The following PIP5K1B variants were observed in gnomAD, a reference collection of about 807,000 sequenced individuals.
The protein encoded by PIP5K1B is phosphatidylinositol-4-phosphate 5-kinase type 1 beta.
A neutral mutation model predicts 67.0 loss-of-function variants in PIP5K1B; 42 were observed. The observed-to-expected ratio is 0.63, with a 90% CI of 0.49 to 0.81. The LOEUF (loss-of-function observed/expected upper bound fraction) is 0.81, where lower values mean the gene tolerates loss of function less well. Ranked by LOEUF, PIP5K1B falls within the 30% of genes least tolerant of loss-of-function variation. The probability of loss-of-function intolerance (pLI) is 0.00; values close to 1 mark genes in which losing one functional copy is unlikely to be tolerated. For missense variants in PIP5K1B, 459 were observed against 646.3 expected (o/e 0.71, Z 3.14); for synonymous variants, 214 against 231.4 (o/e 0.92, Z 0.68).
chr9:68,795,479 G>A (rs943633830), intron 2 of PIP5K1B, among the ~76,000 whole-genome samples: 1 of 152,216 alleles, frequency 6.6e-6, no homozygotes, highest in Non-Finnish European at 1.5e-5. Flanking sequence ...CAAATTTCCT[G>A]AAGGAAAGGG....
chr9:68,954,055 C>T (rs1034547749), intron 14 of PIP5K1B, among the ~76,000 whole-genome samples: 4 of 151,936 alleles, frequency 2.6e-5, no homozygotes, highest in East Asian at 1.9e-4. Context: ...GTCCCTGGGT[C>T]CACACATCCT....
At chr9:68,828,474 T>A (rs1167892160) in intron 4 of PIP5K1B, among the ~76,000 whole-genome samples, 1 of 152,192 alleles carries the variant, frequency 6.6e-6, no homozygotes, top group Non-Finnish European at 1.5e-5. Context: ...TTCACTTTGT[T>A]TTATCTTTGA....
chr9:68,924,620 T>C (rs1384805948), intron 12 of PIP5K1B, among the ~76,000 whole-genome samples: 2 of 152,030 alleles, frequency 1.3e-5, no homozygotes, highest in Admixed American at 6.6e-5. Context: ...GTTTTTAAGA[T>C]ATGTGAAAGG....
At chr9:68,820,649 A>G (rs1215314023) in intron 3 of PIP5K1B, among the ~76,000 whole-genome samples, 1 of 152,220 alleles carries the variant, frequency 6.6e-6, no homozygotes, top group Non-Finnish European at 1.5e-5. Flanking sequence ...GCATGCTTCA[A>G]AAGCGTAAAA....
chr9:68,755,829 G>C (rs1032957266), intron 2 of PIP5K1B, among the ~76,000 whole-genome samples: 1 of 152,178 alleles, frequency 6.6e-6, no homozygotes, highest in Non-Finnish European at 1.5e-5. Context: ...AACTCAGCAT[G>C]GTTCACCCAC....
intron 4 of PIP5K1B, among the ~76,000 whole-genome samples, chr9:68,855,754 C>T (rs932261947): frequency 1.3e-5 from 2 of 152,140 alleles, no homozygotes; most frequent in African/African-American, 4.8e-5. Context: ...CAATCACTTT[C>T]CTGCCTATAA....
intron 14 of PIP5K1B, among the ~76,000 whole-genome samples, chr9:68,982,950 T>G (rs533059085): frequency 6.6e-6 from 1 of 152,322 alleles, no homozygotes; most frequent in Non-Finnish European, 1.5e-5. Flanking sequence ...GCATACAGTT[T>G]ATAGGTTCTT....
intron 14 of PIP5K1B, among the ~76,000 whole-genome samples, chr9:68,978,124 G>T (rs1472258954): frequency 6.6e-6 from 1 of 152,044 alleles, no homozygotes; most frequent in East Asian, 1.9e-4. Flanking sequence ...ATCACCTCAC[G>T]TGGTTATATC....
chr9:68,947,695 C>T (rs1043664249), intron 14 of PIP5K1B, among the ~76,000 whole-genome samples: 3 of 152,196 alleles, frequency 2.0e-5, no homozygotes, highest in Non-Finnish European at 4.4e-5. Context: ...CCAATTTATT[C>T]TCATGCCATT....
intron 5 of PIP5K1B, among the ~76,000 whole-genome samples, chr9:68,864,581 A>G (rs1474459448): frequency 6.6e-6 from 1 of 152,264 alleles, no homozygotes; most frequent in Non-Finnish European, 1.5e-5. Context: ...GATGATGGTA[A>G]TATGAATGTA....
intron 5 of PIP5K1B, among the ~76,000 whole-genome samples, chr9:68,872,465 A>T (rs369303164): frequency 3.3e-5 from 5 of 152,248 alleles, no homozygotes; most frequent in East Asian, 3.8e-4. Context: ...GGTGCTGAGC[A>T]CGGAGGGCTC....
intron 14 of PIP5K1B, among the ~76,000 whole-genome samples, chr9:68,979,436 T>G (rs1218273633): frequency 6.6e-6 from 1 of 152,222 alleles, no homozygotes; most frequent in Non-Finnish European, 1.5e-5. Flanking sequence ...GGTATGATAT[T>G]GGAAAGAAAA....
At chr9:68,981,797 C>CTT (rs59844836) in intron 14 of PIP5K1B, among the ~76,000 whole-genome samples, 2 of 147,280 alleles carry the variant, frequency 1.4e-5, no homozygotes, top group Non-Finnish European at 3.0e-5. Flanking sequence ...CCAAAAGAAT[C>CTT]TTTTTTTTTT....
intron 1 of PIP5K1B, among the ~76,000 whole-genome samples, chr9:68,740,317 T>C (rs1828943389): frequency 6.6e-6 from 1 of 152,234 alleles, no homozygotes; most frequent in Admixed American, 6.5e-5. Context: ...CAGAAAGTGT[T>C]TTTAGTTTAT....
At chr9:68,753,342 ATTTT>A (rs398010785) in intron 2 of PIP5K1B, among the ~76,000 whole-genome samples, 2 of 133,866 alleles carry the variant, frequency 1.5e-5, no homozygotes, top group Non-Finnish European at 3.1e-5. Context: ...CATTTTCTTG[ATTTT>A]TTTTTTTTTT....
chr9:68,810,648 G>C (rs980819053), intron 2 of PIP5K1B, among the ~76,000 whole-genome samples: 9 of 152,088 alleles, frequency 5.9e-5, no homozygotes, highest in Admixed American at 2.0e-4. Context: ...TATGGCCCTA[G>C]TTGGGGAATT....
At chr9:68,999,306 TG>T (rs1217930861) in intron 15 of PIP5K1B, among the ~76,000 whole-genome samples, 1 of 152,142 alleles carries the variant, frequency 6.6e-6, no homozygotes, top group East Asian at 1.9e-4. Context: ...ATAAGAATAT[TG>T]GGGGGACACA....
At chr9:68,714,347 C>T (rs1269421470) in intron 1 of PIP5K1B, among the ~76,000 whole-genome samples, 1 of 152,202 alleles carries the variant, frequency 6.6e-6, no homozygotes, top group East Asian at 1.9e-4. Context: ...CTGCACACAC[C>T]ACATCTAATC....
intron 7 of PIP5K1B, among the ~76,000 whole-genome samples, chr9:68,889,956 T>G (rs1287195552): frequency 6.6e-6 from 1 of 152,178 alleles, no homozygotes. Context: ...ACTCATTTAA[T>G]CCTCACAGCA....
Sources: allele counts gnomAD v4.1 joint callset (sites outside exome capture counted in the v4.1 genomes callset), GRCh38; gene constraint gnomAD v4.1.1; transcripts MANE v1.5; gene names NCBI Gene and HGNC (gene_info 2026-07-23, HGNC 2026-07-21).